LRP1B: variants seen among roughly 807,000 people sequenced by gnomAD.
LRP1B encodes LDL receptor related protein 1B.
Under a neutral mutation model 556.6 loss-of-function variants are expected in LRP1B, and 217 were observed. That is an observed-to-expected ratio of 0.39 (90% CI 0.35 to 0.44). The LOEUF (loss-of-function observed/expected upper bound fraction) is 0.44. Ranked by LOEUF, LRP1B falls within the 20% of genes least tolerant of loss-of-function variation. The pLI is 1.00. For synonymous variants in LRP1B, 2,047 were observed against 1,865.8 expected (o/e 1.10, Z -2.50); for missense variants, 5,053 against 5,620.8 (o/e 0.90, Z 3.23).
chr2:141,386,095 C>A (rs568783495), intron 3 of LRP1B, among the ~76,000 whole-genome samples: 1 of 152,142 alleles, frequency 6.6e-6, no homozygotes, highest in Admixed American at 6.5e-5. Context: ...ATGTATACAA[C>A]TTTTGTTTCA....
At chr2:141,016,166 C>A (rs60606622) in intron 12 of LRP1B, among the ~76,000 whole-genome samples, 1 of 152,050 alleles carries the variant, frequency 6.6e-6, no homozygotes, top group Admixed American at 6.6e-5. Context: ...TTACTGGCTT[C>A]ATGCATTAAT....
intron 2 of LRP1B, among the ~76,000 whole-genome samples, chr2:141,672,116 T>C (rs1690694827): frequency 1.3e-5 from 2 of 152,072 alleles, no homozygotes; most frequent in Admixed American, 6.6e-5. Context: ...TCTGGAAGGG[T>C]AGGAGGCTTT....
intron 29 of LRP1B, among the ~76,000 whole-genome samples, chr2:140,844,315 C>T (rs1412245464): frequency 5.9e-5 from 9 of 152,122 alleles, no homozygotes; most frequent in African/African-American, 1.9e-4. Flanking sequence ...CCACCCACCT[C>T]GGCCTCCCAA....
chr2:140,660,656 G>C (rs1178261449), intron 41 of LRP1B, among the ~76,000 whole-genome samples: 2 of 151,976 alleles, frequency 1.3e-5, no homozygotes, highest in African/African-American at 4.8e-5. Flanking sequence ...TTATATGAGA[G>C]TCTCTTATAT....
chr2:142,058,751 A>G (rs1704781294), intron 1 of LRP1B, among the ~76,000 whole-genome samples: 1 of 152,080 alleles, frequency 6.6e-6, no homozygotes, highest in African/African-American at 2.4e-5. Context: ...TTATTTAAAT[A>G]TAAACAAACT....
At chr2:140,324,559 T>G (rs1680352131) in intron 80 of LRP1B, among the ~76,000 whole-genome samples, 1 of 152,116 alleles carries the variant, frequency 6.6e-6, no homozygotes, top group Non-Finnish European at 1.5e-5. Context: ...ATTATTCATT[T>G]CAGAAGTGGA....
chr2:141,508,604 A>G (rs192978708), intron 2 of LRP1B, among the ~76,000 whole-genome samples: 91 of 151,904 alleles, frequency 6.0e-4, no homozygotes, highest in Middle Eastern at 3.4e-3. Flanking sequence ...GAATTCTGGT[A>G]TAGTTGTCTC....
chr2:141,459,757 G>A (rs769201659), intron 3 of LRP1B, among the ~76,000 whole-genome samples: 2 of 152,112 alleles, frequency 1.3e-5, no homozygotes, highest in Admixed American at 6.5e-5. Flanking sequence ...CCATGGTTGT[G>A]AGGCCTCCCC....
At chr2:140,605,564 T>G (rs901162131) in intron 41 of LRP1B, among the ~76,000 whole-genome samples, 2 of 151,946 alleles carry the variant, frequency 1.3e-5, no homozygotes, top group African/African-American at 4.8e-5. Flanking sequence ...TTTATCTTTT[T>G]CTTTCTTGCT....
intron 66 of LRP1B, among the ~76,000 whole-genome samples, chr2:140,427,308 C>T (rs1331407612): frequency 6.6e-6 from 1 of 152,122 alleles, no homozygotes; most frequent in East Asian, 1.9e-4. Context: ...GCTTGCTCAC[C>T]CACGTTGCAG....
rs558975722 is a variant in LRP1B at position 141,811,408 on chromosome 2, C to T, written c.83-1007G>A. ...TCTAAGTGATATGAAAGCATTAGGCCATAACTTAATTGACAGTTTTGCCCG... is the reference window on the plus strand; with the variant it reads ...TCTAAGTGATATGAAAGCATTAGGCTATAACTTAATTGACAGTTTTGCCCG... On this transcript the variant is annotated intron_variant, in intron 1 of 90. Transcript: ENST00000389484. Among the ~76,000 whole-genome samples the T allele has an allele frequency of 2.0e-5, 3 of 151,592 alleles. No homozygotes were observed. In the South Asian group the frequency reaches 6.3e-4, roughly 32 times the overall value.
intron 6 of LRP1B, among the ~76,000 whole-genome samples, chr2:141,228,492 G>A (rs1573683009): frequency 6.7e-6 from 1 of 148,672 alleles, no homozygotes; most frequent in African/African-American, 2.5e-5. Flanking sequence ...GTGTGTGTGT[G>A]TATGAGTGTG....
intron 2 of LRP1B, among the ~76,000 whole-genome samples, chr2:141,703,025 G>A (rs1255747677): frequency 1.3e-5 from 2 of 151,894 alleles, no homozygotes; most frequent in Non-Finnish European, 1.5e-5. Context: ...AAAAGGAAAG[G>A]TTAATCTGAT....
intron 66 of LRP1B, among the ~76,000 whole-genome samples, chr2:140,429,365 C>G (rs759556264): frequency 6.6e-6 from 1 of 152,154 alleles, no homozygotes. Context: ...CCTCCACAAT[C>G]CATTATTCTG....
intron 37 of LRP1B, among the ~76,000 whole-genome samples, chr2:140,715,256 A>T (rs1375112326): frequency 7.3e-5 from 11 of 151,172 alleles, no homozygotes; most frequent in East Asian, 1.9e-4. Flanking sequence ...GATGTATATT[A>T]AAAAAAAATC....
intron 2 of LRP1B, among the ~76,000 whole-genome samples, chr2:141,525,107 A>C (rs1350409775): frequency 6.6e-6 from 1 of 152,080 alleles, no homozygotes; most frequent in Non-Finnish European, 1.5e-5. Flanking sequence ...ACATAATTAC[A>C]AACCCTGGAC....
At position 140,475,267 on chromosome 2, in the gene LRP1B, T is replaced by A; in HGVS notation, c.9496A>T (p.Ser3166Cys). The change falls in exon 60 of 91, where the codon AGT becomes TGT. Residue 3166 changes from serine (S) to cysteine (C), a missense_variant. Ser to Cys is a moderately radical substitution (Grantham distance 112). Around this residue, in one of 5 missense-constraint regions of LRP1B, gnomAD observed 3,619 missense variants for 3,931.9 expected, o/e 0.92. Transcript: ENST00000389484. ...GAAATCTTGGTTTCTATGACAACAC[T>A]CTGATTGGTTCCATCCATTCCAACA... is the stretch of plus-strand genomic sequence containing the variant. The part of the protein sequence containing the change: ...GRVGMDGTNQ[S>C]VVIETKISRP... 6.2e-7 allele frequency: 1 copy of A among 1,612,184 alleles called. No homozygotes were observed. The highest frequency in any genetic ancestry group is 1.1e-5 in the South Asian group (1 of 90,974).
intron 32 of LRP1B, among the ~76,000 whole-genome samples, chr2:140,792,111 C>T (rs1329227446): frequency 6.6e-6 from 1 of 152,132 alleles, no homozygotes; most frequent in Non-Finnish European, 1.5e-5. Context: ...ATATTTCCCA[C>T]TCGCTTTCCC....
intron 2 of LRP1B, among the ~76,000 whole-genome samples, chr2:141,628,248 C>T (rs1483405193): frequency 6.6e-6 from 1 of 152,092 alleles, no homozygotes; most frequent in African/African-American, 2.4e-5. Flanking sequence ...ATTGTGAGTA[C>T]AATTTCCTTT....
Sources: allele counts gnomAD v4.1 joint callset (sites outside exome capture counted in the v4.1 genomes callset), GRCh38; gene constraint gnomAD v4.1.1; regional missense constraint gnomAD v4.1.1; transcripts MANE v1.5; gene names NCBI Gene and HGNC (gene_info 2026-07-23, HGNC 2026-07-21).